Variants in AFG2A observed in about 807,000 individuals in gnomAD.
The protein encoded by AFG2A is ATPase family gene 2 protein homolog A.
the AFG2A span, among the ~76,000 whole-genome samples, chr4:123,269,556 A>T: frequency 6.6e-6 from 1 of 152,228 alleles, no homozygotes; most frequent in African/African-American, 2.4e-5. Context: ...TTTAAATGAA[A>T]AGTCATTGCC....
At chr4:123,199,718 C>T in the AFG2A span, among the ~76,000 whole-genome samples, 3 of 152,078 alleles carry the variant, frequency 2.0e-5, no homozygotes, top group African/African-American at 7.2e-5. Flanking sequence ...GGTCTGCCCG[C>T]CTCAGGCTCC....
the AFG2A span, among the ~76,000 whole-genome samples, chr4:123,199,462 G>GTTT: frequency 6.9e-3 from 326 of 47,440 alleles, 40 homozygotes; most frequent in African/African-American, 0.017. Flanking sequence ...ATACTCAGAG[G>GTTT]TTTTTTTTTT....
chr4:123,200,321 G>A, the AFG2A span, among the ~76,000 whole-genome samples: 1 of 152,246 alleles, frequency 6.6e-6, no homozygotes, highest in East Asian at 1.9e-4. Context: ...ATTTCATATG[G>A]TACTCAGAAT....
chr4:123,142,051 TA>T, the AFG2A span, among the ~76,000 whole-genome samples: 1 of 152,274 alleles, frequency 6.6e-6, no homozygotes, highest in African/African-American at 2.4e-5. Context: ...TCTTTAATGT[TA>T]TATAGACACA....
the AFG2A span, among the ~76,000 whole-genome samples, chr4:123,173,765 T>G: frequency 2.6e-5 from 4 of 152,090 alleles, no homozygotes; most frequent in African/African-American, 9.7e-5. Flanking sequence ...GGCAAAAAAA[T>G]TATATAATTG....
chr4:122,988,444 G>A, the AFG2A span, among the ~76,000 whole-genome samples: 1 of 148,840 alleles, frequency 6.7e-6, no homozygotes, highest in Non-Finnish European at 1.5e-5. Flanking sequence ...CTGTCACCAG[G>A]CTGGAGGGTA....
the AFG2A span, among the ~76,000 whole-genome samples, chr4:123,002,274 T>A: frequency 6.6e-6 from 1 of 152,080 alleles, no homozygotes; most frequent in Non-Finnish European, 1.5e-5. Flanking sequence ...CCAGTCTGTG[T>A]CTTTTAATTG....
the AFG2A span, among the ~76,000 whole-genome samples, chr4:122,935,286 C>T: frequency 6.6e-6 from 1 of 151,778 alleles, no homozygotes; most frequent in Non-Finnish European, 1.5e-5. Flanking sequence ...GTAAAATGAA[C>T]CCTTAGATTG....
the AFG2A span, among the ~76,000 whole-genome samples, chr4:123,243,323 G>A: frequency 0.027 from 4,044 of 152,144 alleles, 102 homozygotes; most frequent in African/African-American, 0.067. Context: ...CACTATTCAC[G>A]ATAGTAAAGA....
chr4:123,146,221 T>C, the AFG2A span, among the ~76,000 whole-genome samples: 2 of 152,152 alleles, frequency 1.3e-5, no homozygotes, highest in African/African-American at 4.8e-5. Context: ...GTACCAACAC[T>C]ATTTCTGAAA....
chr4:123,122,171 T>C, the AFG2A span, among the ~76,000 whole-genome samples: 1 of 152,210 alleles, frequency 6.6e-6, no homozygotes, highest in East Asian at 1.9e-4. Context: ...TAATCAGTTA[T>C]GTTGATGAGA....
the AFG2A span, among the ~76,000 whole-genome samples, chr4:123,197,992 C>T: frequency 6.6e-6 from 1 of 151,682 alleles, no homozygotes; most frequent in Non-Finnish European, 1.5e-5. Flanking sequence ...AGAAACGAGC[C>T]GGGCGTGATG....
chr4:123,073,494 T>A, the AFG2A span, among the ~76,000 whole-genome samples: 68,111 of 151,940 alleles, frequency 0.45, 18,559 homozygotes, highest in Non-Finnish European at 0.6. Flanking sequence ...TTCAAGGTAT[T>A]TATGCGGTGA....
At chr4:123,076,958 CTG>C in the AFG2A span, among the ~76,000 whole-genome samples, 125,452 of 144,934 alleles carry the variant, frequency 0.87, 54,220 homozygotes, top group East Asian at 0.98. Context: ...AAGCCCTGTG[CTG>C]TGTGTGTGTG....
the AFG2A span, among the ~76,000 whole-genome samples, chr4:122,952,039 G>T: frequency 1.3e-5 from 2 of 152,186 alleles, no homozygotes; most frequent in South Asian, 2.1e-4. Context: ...CCAGACTTCA[G>T]TTTCTGGAAG....
chr4:123,125,148 TC>T, the AFG2A span, among the ~76,000 whole-genome samples: 1 of 152,210 alleles, frequency 6.6e-6, no homozygotes, highest in African/African-American at 2.4e-5. Context: ...CATAGATTTT[TC>T]TAGACACGTA....
the AFG2A span, among the ~76,000 whole-genome samples, chr4:123,156,015 G>T: frequency 1.3e-5 from 2 of 152,282 alleles, no homozygotes; most frequent in South Asian, 2.1e-4. Flanking sequence ...CAGGAAGCAT[G>T]GCAGCTTCTA....
chr4:123,001,145 C>G, the AFG2A span, among the ~76,000 whole-genome samples: 1,154 of 145,176 alleles, frequency 7.9e-3, 9 homozygotes, highest in African/African-American at 0.027. Flanking sequence ...GGGATCGGTG[C>G]TGATATCCCC....
At chr4:122,955,709 T>C in the AFG2A span, among the ~76,000 whole-genome samples, 1 of 152,236 alleles carries the variant, frequency 6.6e-6, no homozygotes, top group African/African-American at 2.4e-5. Flanking sequence ...AAATCGTTTT[T>C]CTTTCATTTT....
Sources: allele counts gnomAD v4.1 joint callset (sites outside exome capture counted in the v4.1 genomes callset), GRCh38; gene constraint gnomAD v4.1.1; transcripts MANE v1.5; gene names NCBI Gene and HGNC (gene_info 2026-07-23, HGNC 2026-07-21).